INVS: variants seen among roughly 807,000 people sequenced by gnomAD.
INVS encodes inversin, also known as inversion of embryo turning homolog.
INVS carries 86 observed loss-of-function variants against 108.8 expected under a neutral mutation model. The ratio of observed to expected loss-of-function variants is 0.79; its 90% confidence interval spans 0.66 to 0.95. The LOEUF is 0.95. Ranked by LOEUF, INVS falls within the 40% of genes least tolerant of loss-of-function variation. The pLI is 0.00. For missense variants in INVS, 1,169 were observed against 1,297.4 expected (o/e 0.90, Z 1.52); for synonymous variants, 455 against 473.5 (o/e 0.96, Z 0.51).
chr9:100,166,373 ACTAG>A (rs1829364568), intron 3 of INVS, among the ~76,000 whole-genome samples: 1 of 152,024 alleles, frequency 6.6e-6, no homozygotes, highest in Non-Finnish European at 1.5e-5. Context: ...CAAAACAAAA[ACTAG>A]CCAGGCATGG....
chr9:100,139,739 T>G (rs1231445358), intron 3 of INVS, among the ~76,000 whole-genome samples: 1 of 152,152 alleles, frequency 6.6e-6, no homozygotes, highest in Non-Finnish European at 1.5e-5. Flanking sequence ...ACCTCCTGGA[T>G]TCAAGTGATC....
Position 100,253,095 on chromosome 9 carries a change from C to T in INVS, c.1423C>T (p.Leu475Phe), listed in dbSNP as rs879227049. The part of the protein sequence containing the change: ...YGGYINCMAV[L>F]MENNADPNIQ... ...AGGCTATATCAACTGCATGGCAGTT[C>T]TCATGGAAAACAATGCAGACCCTAA... Residue 475 changes from leucine to phenylalanine, a missense_variant, in exon 10 of 17, where the codon CTC becomes TTC. Leu to Phe is a conservative substitution (Grantham distance 22). Around this residue, in one of 3 missense-constraint regions of INVS, gnomAD observed 271 missense variants for 363.8 expected, o/e 0.74. Coordinates refer to ENST00000262457, the MANE Select transcript of INVS (RefSeq NM_014425.5). 1 of 1,613,778 alleles carries T rather than the reference C, an allele frequency of 6.2e-7. No individual in the cohort carries two copies. The highest frequency in any genetic ancestry group is 2.2e-5 in the East Asian group (1 of 44,872).
chr9:100,252,169 G>A, intron 8 of INVS, 114 bp from the exon 9 acceptor site: 1 of 1,181,584 alleles, frequency 8.5e-7, no homozygotes, highest in Non-Finnish European at 1.3e-6. Context: ...CCTTAAAATG[G>A]AGATTGCATT....
intron 12 of INVS, among the ~76,000 whole-genome samples, chr9:100,278,654 T>C (rs1183563013): frequency 6.6e-6 from 1 of 152,226 alleles, no homozygotes; most frequent in African/African-American, 2.4e-5. Context: ...CATTGATCAC[T>C]GTAGGCCTTA....
At chr9:100,128,479 A>C (rs541656334) in intron 3 of INVS, among the ~76,000 whole-genome samples, 37 of 152,346 alleles carry the variant, frequency 2.4e-4, no homozygotes, top group African/African-American at 8.4e-4. Context: ...TGTCCAATTA[A>C]ATCTGGGTAC....
In INVS at chr9:100,292,332, C is replaced by G; in HGVS notation, c.2075C>G (p.Ala692Gly). Residue 692 changes from alanine to glycine, a missense_variant, in exon 14 of 17, where the codon GCC becomes GGC. Transcript: ENST00000262457. Reference sequence around the variant, plus strand: ...TTTTCTTTGTTTCCTCAAGAAACAGCCAGAGAACATTCTAAAGGCCAATCT... The same window carrying G: ...TTTTCTTTGTTTCCTCAAGAAACAGGCAGAGAACATTCTAAAGGCCAATCT... ...GTNSRRPNET[A>G]REHSKGQSAC... 1 of 1,613,794 alleles carries G rather than the reference C, an allele frequency of 6.2e-7. No homozygotes were observed. The highest frequency in any genetic ancestry group is 8.5e-7 in the Non-Finnish European group (1 of 1,179,722).
At chr9:100,186,107 AG>A (rs1374083234) in intron 3 of INVS, among the ~76,000 whole-genome samples, 5 of 152,092 alleles carry the variant, frequency 3.3e-5, no homozygotes, top group Admixed American at 3.3e-4. Context: ...ATCTACTTTT[AG>A]TTCCTTGAGA....
chr9:100,243,731 C>T (rs1292819792), intron 7 of INVS, among the ~76,000 whole-genome samples: 2 of 152,046 alleles, frequency 1.3e-5, no homozygotes, highest in Non-Finnish European at 2.9e-5. Context: ...ACTATCAGGC[C>T]GGACACAGTA....
rs557271906 is a variant in INVS at position 100,261,103 on chromosome 9, A to G, written c.1465-3719A>G. 7.2e-5 allele frequency among the ~76,000 whole-genome samples: 11 copies of G among 152,248 alleles called. No individual in the cohort carries two copies. The South Asian group carries it at 2.3e-3, about 32-fold the overall frequency. On this transcript the variant is annotated intron_variant, in intron 10 of 16. Coordinates refer to ENST00000262457, the MANE Select transcript of INVS (RefSeq NM_014425.5). Reference sequence around the variant, plus strand: ...ATTTTAACTCTTTAAAAATATTTGCATGTTAATTATGTTTTCCAAGTCAGA... The same window carrying G: ...ATTTTAACTCTTTAAAAATATTTGCGTGTTAATTATGTTTTCCAAGTCAGA...
At chr9:100,263,729 G>T (rs1275002503) in intron 10 of INVS, among the ~76,000 whole-genome samples, 2 of 152,158 alleles carry the variant, frequency 1.3e-5, no homozygotes, top group African/African-American at 2.4e-5. Context: ...CTTTGTGAGG[G>T]AGTGCATTAT....
At chr9:100,154,746 C>T (rs1318652047) in intron 3 of INVS, among the ~76,000 whole-genome samples, 1 of 151,708 alleles carries the variant, frequency 6.6e-6, no homozygotes, top group African/African-American at 2.4e-5. Context: ...AAAATATTTT[C>T]TTATATTTTT....
At chr9:100,297,463 T>C (rs1345624263) in intron 15 of INVS, among the ~76,000 whole-genome samples, 1 of 152,130 alleles carries the variant, frequency 6.6e-6, no homozygotes, top group Admixed American at 6.5e-5. Flanking sequence ...TGCTTGAGTC[T>C]CCTCCTTGCA....
chr9:100,231,868 C>CA (rs1489706604), intron 5 of INVS, among the ~76,000 whole-genome samples: 3 of 152,122 alleles, frequency 2.0e-5, no homozygotes, highest in Non-Finnish European at 4.4e-5. Flanking sequence ...GATATATACC[C>CA]AGTAAGAGGA....
chr9:100,114,830 T>C lies in INVS; in HGVS notation c.106+10203T>C, dbSNP rs1827458243. Among the ~76,000 whole-genome samples the C allele has an allele frequency of 2.0e-5, 3 of 152,362 alleles. No homozygotes were observed. In the South Asian group the frequency reaches 6.2e-4, roughly 32 times the overall value. On this transcript the variant is annotated intron_variant, in intron 2 of 16. Transcript: ENST00000262457. Reference sequence around the variant, plus strand: ...TTTATGGATGTACTGCAGATTATTTTCTCATTTTGCAGTTTAAGGACAATT... The same window carrying C: ...TTTATGGATGTACTGCAGATTATTTCCTCATTTTGCAGTTTAAGGACAATT...
chr9:100,133,460 A>C (rs1279520910), intron 3 of INVS, among the ~76,000 whole-genome samples: 1 of 151,946 alleles, frequency 6.6e-6, no homozygotes, highest in Non-Finnish European at 1.5e-5. Context: ...TGCTTTTTCA[A>C]CTTAATATTA....
intron 2 of INVS, among the ~76,000 whole-genome samples, chr9:100,124,681 T>A (rs774421954): frequency 2.0e-5 from 3 of 152,224 alleles, no homozygotes; most frequent in Non-Finnish European, 4.4e-5. Flanking sequence ...TGGAGCACTT[T>A]TTTGAGAGTT....
chr9:100,214,529 C>G (rs1409897420), intron 3 of INVS, among the ~76,000 whole-genome samples: 3 of 152,210 alleles, frequency 2.0e-5, no homozygotes, highest in African/African-American at 7.2e-5. Context: ...GTAGTTGTTA[C>G]TTCAGTTGCC....
intron 3 of INVS, among the ~76,000 whole-genome samples, chr9:100,168,734 T>G (rs1004090628): frequency 2.6e-5 from 4 of 152,214 alleles, no homozygotes; most frequent in Admixed American, 2.6e-4. Flanking sequence ...TGAAAGCCCT[T>G]TATACAAAGG....
chr9:100,200,790 T>G (rs1243488421), intron 3 of INVS, among the ~76,000 whole-genome samples: 1 of 152,238 alleles, frequency 6.6e-6, no homozygotes, highest in African/African-American at 2.4e-5. Flanking sequence ...TATGCATATA[T>G]GGGGCTTCCC....
Sources: gnomAD v4.1 joint callset for allele counts (sites outside exome capture counted in the v4.1 genomes callset) on GRCh38, gnomAD v4.1.1 for gene constraint, gnomAD v4.1.1 regional missense constraint, MANE v1.5 for transcripts, NCBI Gene and HGNC (gene_info 2026-07-23, HGNC 2026-07-21) for gene names.